Variants in RAB9B observed in about 807,000 individuals in gnomAD.
The protein encoded by RAB9B is ras-related protein Rab-9B.
Under a neutral mutation model 8.9 loss-of-function variants are expected in RAB9B, and 1 was observed. That is an observed-to-expected ratio of 0.11 (90% CI 0.04 to 0.53). The LOEUF is 0.53. Ranked by LOEUF, RAB9B falls within the 20% of genes least tolerant of loss-of-function variation. The probability of loss-of-function intolerance (pLI) is 0.93; values close to 1 mark genes in which losing one functional copy is unlikely to be tolerated. For synonymous variants in RAB9B, 63 were observed against 57.0 expected (o/e 1.10, Z -0.47); for missense variants, 82 against 152.9 (o/e 0.54, Z 2.45).
At chrX:103,830,850 A>C (rs1221919886) in intron 1 of RAB9B, among the ~76,000 whole-genome samples, 1 of 112,138 alleles carries the variant, frequency 8.9e-6, no homozygotes, top group Admixed American at 9.4e-5. Flanking sequence ...AGTACATTTT[A>C]GTATGATGAT....
chrX:103,797,960 ATGACC>A, the RAB9B span, among the ~76,000 whole-genome samples: 1 of 111,412 alleles, frequency 9.0e-6, no homozygotes, highest in Admixed American at 9.6e-5. Context: ...TCCCCCCGCC[ATGACC>A]TTGCTGCTCT....
At chrX:103,815,985 C>A in the RAB9B span, among the ~76,000 whole-genome samples, 1 of 111,932 alleles carries the variant, frequency 8.9e-6, no homozygotes, top group East Asian at 2.8e-4. Flanking sequence ...GAATCAATAT[C>A]ATGAAAATGG....
downstream of RAB9B, among the ~76,000 whole-genome samples, chrX:103,821,889 C>T (rs753485281): frequency 5.2e-4 from 58 of 111,091 alleles, no homozygotes; most frequent in African/African-American, 1.8e-3. Context: ...GAATAGTGTA[C>T]ATTGTATCCA....
chrX:103,824,996 AT>A lies in RAB9B; in HGVS notation c.*182del, dbSNP rs746264761. 45 of 463,291 alleles carry A rather than the reference AT, an allele frequency of 9.7e-5. No homozygotes were observed. The highest frequency in any genetic ancestry group is 7.5e-4 in the African/African-American group (30 of 40,055). The allele number at this position is 463,291 out of a possible 1,213,427, so 38.2% of individuals were successfully genotyped here. On this transcript the variant is annotated 3_prime_UTR_variant, in exon 3 of 3. Transcript: ENST00000243298. ...AATACACTTGGCTTGATAGAGCTTCATTTTTTTTAATTTTTAATTTTTTTAA... is the reference window on the plus strand; with the variant it reads ...AATACACTTGGCTTGATAGAGCTTCATTTTTTTAATTTTTAATTTTTTTAA...
the RAB9B span, chrX:103,789,536 G>C: frequency 3.6e-6 from 2 of 549,790 alleles, no homozygotes; most frequent in Non-Finnish European, 6.5e-6. Flanking sequence ...AGCAAAGGGT[G>C]GAGGCTCCGT....
In RAB9B at chrX:103,825,582, C is replaced by T; in HGVS notation, c.203G>A (p.Arg68His). 2 of 1,211,868 alleles carry T rather than the reference C, an allele frequency of 1.7e-6. No homozygotes were observed. Among genetic ancestry groups the T allele is most frequent in the Non-Finnish European group, 2.2e-6 (2 of 895,483 alleles). ...LQIWDTAGQE[R>H]FKSLRTPFYR... ...GAAGGGTGTCCTAAGGCTCTTGAAA[C>T]GTTCCTGCCCTGCAGTGTCCCAGAT... The change falls in exon 3 of 3, where the codon CGT (arginine) becomes CAT (histidine). Residue 68 changes from arginine (R) to histidine (H), a missense_variant. Arg to His is a conservative substitution (Grantham distance 29, BLOSUM62 0). Coordinates refer to ENST00000243298, the MANE Select transcript of RAB9B (RefSeq NM_016370.4).
the RAB9B span, among the ~76,000 whole-genome samples, chrX:103,799,006 T>TG: frequency 1.8e-5 from 2 of 109,043 alleles, no homozygotes; most frequent in Non-Finnish European, 3.8e-5. Flanking sequence ...AAGTTAAACA[T>TG]GCCCTGTTAC....
chrX:103,828,200 A>C (rs766289204), intron 1 of RAB9B, among the ~76,000 whole-genome samples: 1 of 111,998 alleles, frequency 8.9e-6, no homozygotes, highest in Admixed American at 9.5e-5. Context: ...TTTTCTAAAT[A>C]TAGATAAAAC....
At position 103,822,721 on chromosome X, in the gene RAB9B, C is replaced by G. The variant is rs1476261706; in HGVS notation, c.*2458G>C. ...ACATTCTAGGGTACACAGTCAATTT[C>G]TAAACCTATATGCACAGTTCTTGGT... is the stretch of plus-strand genomic sequence containing the variant. On this transcript the variant is annotated 3_prime_UTR_variant, in exon 3 of 3. Coordinates refer to ENST00000243298, the MANE Select transcript of RAB9B (RefSeq NM_016370.4). 8.9e-6 allele frequency: 1 copy of G among 111,894 alleles called. No individual in the cohort carries two copies. The highest frequency in any genetic ancestry group is 2.8e-4 in the East Asian group (1 of 3,573). The allele number at this position is 111,894 out of a possible 1,213,427, so 9.2% of individuals were successfully genotyped here.
chrX:103,779,624 G>T, the RAB9B span, among the ~76,000 whole-genome samples: 12 of 111,902 alleles, frequency 1.1e-4, no homozygotes, highest in Admixed American at 4.7e-4. Context: ...AGTTTGAAAG[G>T]TCTACCCTGC....
chrX:103,819,659 A>G (rs749831682), downstream of RAB9B, among the ~76,000 whole-genome samples: 4 of 112,116 alleles, frequency 3.6e-5, no homozygotes, highest in South Asian at 1.1e-3. Flanking sequence ...TTTGGCAAGC[A>G]TATCAGTAAG....
chrX:103,785,592 G>A, the RAB9B span: 5 of 1,209,616 alleles, frequency 4.1e-6, no homozygotes, highest in South Asian at 8.8e-5. Context: ...GCTTGTTAGA[G>A]TGCTGTGCAA....
At chrX:103,782,746 C>T in the RAB9B span, among the ~76,000 whole-genome samples, 2 of 110,589 alleles carry the variant, frequency 1.8e-5, no homozygotes, top group Admixed American at 1.9e-4. Context: ...CTCTTCTTAC[C>T]CTCGGCTAAA....
the RAB9B span, among the ~76,000 whole-genome samples, chrX:103,780,437 C>CTGTG: frequency 4.6e-5 from 4 of 87,877 alleles, no homozygotes; most frequent in East Asian, 6.9e-4. Flanking sequence ...TTCTGTCTCT[C>CTGTG]TCTGTGTGTG....
chrX:103,783,946 T>C, the RAB9B span, among the ~76,000 whole-genome samples: 4 of 112,309 alleles, frequency 3.6e-5, no homozygotes, highest in Admixed American at 9.4e-5. Flanking sequence ...TATATACATA[T>C]ATTTATATAT....
the RAB9B span, among the ~76,000 whole-genome samples, chrX:103,781,660 C>T: frequency 8.9e-6 from 1 of 112,352 alleles, no homozygotes; most frequent in African/African-American, 3.2e-5. Context: ...AATTCTTGTA[C>T]TGAATTCACA....
At chrX:103,799,898 C>T in the RAB9B span, among the ~76,000 whole-genome samples, 1 of 111,281 alleles carries the variant, frequency 9.0e-6, no homozygotes, top group African/African-American at 3.3e-5. Flanking sequence ...GGGCGGGGGA[C>T]TCCTTGCAGC....
chrX:103,801,191 T>C, the RAB9B span, among the ~76,000 whole-genome samples: 566 of 110,721 alleles, frequency 5.1e-3, 1 homozygote, highest in African/African-American at 0.017. Flanking sequence ...TGACCCCTCC[T>C]CCACAGTGTT....
At chrX:103,830,406 C>T (rs1046484015) in intron 1 of RAB9B, among the ~76,000 whole-genome samples, 2 of 111,735 alleles carry the variant, frequency 1.8e-5, no homozygotes, top group African/African-American at 3.3e-5. Flanking sequence ...ACACTAAATA[C>T]GTAAATAGGA....
Sources: allele counts gnomAD v4.1 joint callset (sites outside exome capture counted in the v4.1 genomes callset), GRCh38; gene constraint gnomAD v4.1.1; transcripts MANE v1.5; gene names NCBI Gene and HGNC (gene_info 2026-07-23, HGNC 2026-07-21).